Variants in GATB observed in about 807,000 individuals in gnomAD.
GATB encodes the protein glutamyl-tRNA(Gln) amidotransferase subunit B, mitochondrial.
Under a neutral mutation model 62.3 loss-of-function variants are expected in GATB, and 39 were observed. The observed-to-expected ratio is 0.63, with a 90% CI of 0.48 to 0.82. GATB has a LOEUF of 0.82. GATB is among the 40% of genes least tolerant of loss of function. GATB has a pLI of 0.00. For missense variants in GATB, 670 were observed against 684.0 expected (o/e 0.98, Z 0.23); for synonymous variants, 276 against 258.9 (o/e 1.07, Z -0.63).
At chr4:151,710,926 G>A (rs1274652546) in intron 5 of GATB, among the ~76,000 whole-genome samples, 1 of 152,084 alleles carries the variant, frequency 6.6e-6, no homozygotes, top group Non-Finnish European at 1.5e-5. Flanking sequence ...ACCTCCACTT[G>A]GAGGTTTCAC....
intron 11 of GATB, among the ~76,000 whole-genome samples, chr4:151,679,413 G>A (rs1738089300): frequency 6.6e-6 from 1 of 152,200 alleles, no homozygotes; most frequent in Non-Finnish European, 1.5e-5. Context: ...CCATGCAGCA[G>A]GGACAAGGGA....
chr4:151,690,730 C>T (rs949274802), intron 9 of GATB, among the ~76,000 whole-genome samples: 3 of 152,140 alleles, frequency 2.0e-5, no homozygotes, highest in Non-Finnish European at 2.9e-5. Context: ...ATGGATAACA[C>T]GGCAAGTCAG....
chr4:151,738,871 C>T (rs986593526), intron 2 of GATB, among the ~76,000 whole-genome samples: 1 of 152,182 alleles, frequency 6.6e-6, no homozygotes, highest in Non-Finnish European at 1.5e-5. Flanking sequence ...GAATAGGGAC[C>T]AGGCAATTCT....
At chr4:151,683,751 C>T (rs1738192359) in intron 10 of GATB, among the ~76,000 whole-genome samples, 1 of 152,188 alleles carries the variant, frequency 6.6e-6, no homozygotes, top group Admixed American at 6.5e-5. Context: ...TCTACAGAAA[C>T]AGGCCAGAGG....
In GATB at chr4:151,716,030, TC is replaced by T. The variant is rs1346900211; in HGVS notation, c.741del (p.Thr248ProfsTer11). On this transcript the variant is annotated frameshift_variant, in exon 5 of 13. Transcript: ENST00000263985. LOFTEE classifies it high-confidence loss of function. Reference protein sequence around the residue: ...RELQLILQALGTSQANMAEGQ... With the variant: ...RELQLILQALXTSQANMAEGQ... ...CTACCTGCCATGTTCGCCTGGCTGG[TC>T]CCCAGGGCTTGAAGGATCAGCTGCA... The T allele has an allele frequency of 6.2e-7, 1 of 1,613,672 alleles. No homozygotes were observed. The highest frequency in any genetic ancestry group is 1.3e-5 in the African/African-American group (1 of 74,862).
At chr4:151,680,278 T>TA (rs5862967) in intron 10 of GATB, among the ~76,000 whole-genome samples, 63,974 of 143,836 alleles carry the variant, frequency 0.44, 14,880 homozygotes, top group East Asian at 0.77. Flanking sequence ...AAAAATTACT[T>TA]AAAAAAAAAA....
chr4:151,734,255 A>G (rs1329822483), intron 2 of GATB, among the ~76,000 whole-genome samples: 1 of 152,174 alleles, frequency 6.6e-6, no homozygotes, highest in Non-Finnish European at 1.5e-5. Context: ...GTTTCCAGAT[A>G]CAATTAACAT....
At chr4:151,686,558 CTCTT>C (rs1224299994) in intron 10 of GATB, among the ~76,000 whole-genome samples, 1 of 151,692 alleles carries the variant, frequency 6.6e-6, no homozygotes, top group Non-Finnish European at 1.5e-5. Flanking sequence ...CCAGAGAACT[CTCTT>C]TCTGATGCCC....
chr4:151,726,551 A>G (rs1394904565), intron 2 of GATB, among the ~76,000 whole-genome samples: 1 of 152,234 alleles, frequency 6.6e-6, no homozygotes, highest in Non-Finnish European at 1.5e-5. Context: ...AGGGACAAGG[A>G]GAATGTGAAG....
intron 10 of GATB, among the ~76,000 whole-genome samples, chr4:151,681,726 C>G (rs2126956888): frequency 6.6e-6 from 1 of 152,290 alleles, no homozygotes; most frequent in East Asian, 1.9e-4. Flanking sequence ...ACCATGGAAA[C>G]TTTATTTCTG....
At chr4:151,734,654 G>C (rs146718222) in intron 2 of GATB, among the ~76,000 whole-genome samples, 2,015 of 152,222 alleles carry the variant, frequency 0.013, 42 homozygotes, top group African/African-American at 0.046. Flanking sequence ...GAACAAATCT[G>C]GAGGCATCAC....
At chr4:151,716,770 G>A in intron 4 of GATB, 106 bp downstream of exon 4, 1 of 1,019,410 alleles carries the variant, frequency 9.8e-7, no homozygotes. Flanking sequence ...AGGCTCCTGT[G>A]ACTGCTTTCT....
chr4:151,695,780 C>T (rs1738456251), intron 9 of GATB, among the ~76,000 whole-genome samples: 1 of 152,062 alleles, frequency 6.6e-6, no homozygotes, highest in Admixed American at 6.6e-5. Flanking sequence ...AGTTTAGAGA[C>T]AGGGTCTCTC....
chr4:151,731,961 G>A (rs1460762579), intron 2 of GATB, among the ~76,000 whole-genome samples: 2 of 111,412 alleles, frequency 1.8e-5, no homozygotes, highest in Non-Finnish European at 3.9e-5. Flanking sequence ...GGAGGGAAGT[G>A]GGGGGTCAGC....
intron 11 of GATB, chr4:151,674,273 A>C (rs1479220283): frequency 6.6e-6 from 1 of 152,286 alleles, no homozygotes; most frequent in Non-Finnish European, 1.5e-5. Context: ...GGGGCACAGA[A>C]GCGGGAAGAA....
intron 2 of GATB, among the ~76,000 whole-genome samples, chr4:151,731,396 C>T (rs1207344622): frequency 3.3e-5 from 5 of 152,254 alleles, no homozygotes; most frequent in Non-Finnish European, 7.3e-5. Flanking sequence ...GGATTGCAGA[C>T]GGAGTCTCGC....
intron 5 of GATB, among the ~76,000 whole-genome samples, chr4:151,710,023 C>A (rs1302798893): frequency 6.6e-6 from 1 of 152,204 alleles, no homozygotes; most frequent in African/African-American, 2.4e-5. Context: ...CTCTCCTCAT[C>A]CCTCAAGGAC....
At chr4:151,750,224 T>C (rs940140264) in intron 2 of GATB, among the ~76,000 whole-genome samples, 6 of 152,226 alleles carry the variant, frequency 3.9e-5, no homozygotes, top group Non-Finnish European at 7.3e-5. Flanking sequence ...ACATGTATTT[T>C]TAAATAACTG....
Position 151,723,879 on chromosome 4 carries a change from C to T in GATB, c.328-4341G>A, listed in dbSNP as rs571555186. On this transcript the variant is annotated intron_variant, in intron 2 of 12. Coordinates refer to ENST00000263985, the MANE Select transcript of GATB (RefSeq NM_004564.3). The stretch of plus-strand genomic sequence containing the variant: ...AGTGGGTGGCCAACAAATTTTATGA[C>T]TAGTAGAGAGAGATAAGGCACATAA... 2.0e-5 allele frequency: 3 copies of T among 152,240 alleles called. No homozygotes were observed. The South Asian group carries it at 6.2e-4, about 32-fold the overall frequency. The allele number at this position is 152,240 out of a possible 1,614,324, so 9.4% of individuals were successfully genotyped here.
Sources: allele counts gnomAD v4.1 joint callset (sites outside exome capture counted in the v4.1 genomes callset), GRCh38; gene constraint gnomAD v4.1.1; transcripts MANE v1.5; gene names NCBI Gene and HGNC (gene_info 2026-07-23, HGNC 2026-07-21).